MTUS2: variants seen among roughly 807,000 people sequenced by gnomAD.
MTUS2 encodes the protein microtubule-associated tumor suppressor candidate 2.
Under a neutral mutation model 114.1 loss-of-function variants are expected in MTUS2, and 40 were observed. The ratio of observed to expected loss-of-function variants is 0.35; its 90% CI spans 0.27 to 0.46. MTUS2 has a LOEUF of 0.46. MTUS2 is among the 20% of genes least tolerant of loss of function. The pLI is 1.00. For missense variants in MTUS2, 1,679 were observed against 1,705.4 expected (o/e 0.98, Z 0.27); for synonymous variants, 688 against 672.0 (o/e 1.02, Z -0.37).
chr13:29,464,414 A>G (rs1879742526), intron 9 of MTUS2, among the ~76,000 whole-genome samples: 1 of 152,260 alleles, frequency 6.6e-6, no homozygotes, highest in South Asian at 2.1e-4. Context: ...TCAGACATGT[A>G]GGAGAGTCAG....
At chr13:29,163,310 C>T (rs1430225877) in intron 5 of MTUS2, among the ~76,000 whole-genome samples, 1 of 152,116 alleles carries the variant, frequency 6.6e-6, no homozygotes, top group Non-Finnish European at 1.5e-5. Flanking sequence ...TGGCTGGGCT[C>T]CCGTCCCCTC....
At chr13:29,089,039 T>G (rs1889823619) in intron 4 of MTUS2, among the ~76,000 whole-genome samples, 1 of 152,236 alleles carries the variant, frequency 6.6e-6, no homozygotes, top group African/African-American at 2.4e-5. Context: ...CATAGTTACT[T>G]TATATTGCCA....
intron 2 of MTUS2, among the ~76,000 whole-genome samples, chr13:29,023,015 A>G (rs944995387): frequency 6.6e-6 from 1 of 152,194 alleles, no homozygotes; most frequent in Non-Finnish European, 1.5e-5. Flanking sequence ...TAATTCTTCA[A>G]AGTGAAAATA....
intron 2 of MTUS2, among the ~76,000 whole-genome samples, chr13:28,940,474 A>G (rs1349780986): frequency 6.6e-6 from 1 of 152,168 alleles, no homozygotes; most frequent in Non-Finnish European, 1.5e-5. Context: ...GGGCGTGGGA[A>G]GTAACTACTT....
At chr13:29,050,928 G>A (rs758098286) in intron 4 of MTUS2, among the ~76,000 whole-genome samples, 1 of 152,208 alleles carries the variant, frequency 6.6e-6, no homozygotes, top group Non-Finnish European at 1.5e-5. Context: ...TAAGTGAGAG[G>A]AGGAGAGTGA....
chr13:28,999,427 G>A lies in MTUS2; in HGVS notation c.-242-25030G>A, dbSNP rs184714251. Among the ~76,000 whole-genome samples the A allele has an allele frequency of 7.4e-3, 1,124 of 152,122 alleles. 6 individuals carry two copies. Among genetic ancestry groups the A allele is most frequent in the Non-Finnish European group, 9.2e-3 (624 of 67,998 alleles). On this transcript the variant is annotated intron_variant, in intron 2 of 15. Coordinates refer to ENST00000612955, the MANE Select transcript of MTUS2 (RefSeq NM_001033602.4). ...TACTCTCTTCAAAGCTGTCAGACAG[G>A]GACATAGTTTGTTTCTTTGTGGTTT...
intron 6 of MTUS2, among the ~76,000 whole-genome samples, chr13:29,282,217 G>C (rs1045263486): frequency 6.6e-6 from 1 of 152,268 alleles, no homozygotes; most frequent in East Asian, 1.9e-4. Flanking sequence ...TGCGCCTCCA[G>C]GAATGAGCCC....
intron 5 of MTUS2, among the ~76,000 whole-genome samples, chr13:29,184,280 C>A (rs189617213): frequency 6.6e-6 from 1 of 152,190 alleles, no homozygotes; most frequent in African/African-American, 2.4e-5. Flanking sequence ...TTCCCCACCC[C>A]CTCCAGGGGC....
At chr13:29,248,167 T>C (rs746829139) in intron 5 of MTUS2, among the ~76,000 whole-genome samples, 1 of 152,192 alleles carries the variant, frequency 6.6e-6, no homozygotes, top group Non-Finnish European at 1.5e-5. Flanking sequence ...AAACATCATA[T>C]GTTCTCACTC....
rs1317703230 is a variant in MTUS2 at position 29,503,164 on chromosome 13, G to A, written c.4068G>A (p.Ser1356=). The change falls in exon 16 of 16, where the codon TCG becomes TCA. Residue 1356 remains serine (S), a synonymous_variant. Transcript: ENST00000612955. ...PTSPVYRGSS[S]GPSSPARVST... Reference sequence around the variant, plus strand: ...CTCCCGTTTACCGCGGCTCCTCCTCGGGGCCCTCCTCTCCGGCCAGAGTCA... The same window carrying A: ...CTCCCGTTTACCGCGGCTCCTCCTCAGGGCCCTCCTCTCCGGCCAGAGTCA... The A allele has an allele frequency of 6.8e-6, 11 of 1,613,998 alleles. No homozygotes were observed. The highest frequency in any genetic ancestry group is 9.3e-6 in the Non-Finnish European group (11 of 1,180,036).
At chr13:29,501,396 A>C (rs1408831411) in intron 15 of MTUS2, among the ~76,000 whole-genome samples, 1 of 152,090 alleles carries the variant, frequency 6.6e-6, no homozygotes, top group African/African-American at 2.4e-5. Context: ...ACCTTGAGAG[A>C]AATGAGTGAA....
chr13:28,902,282 A>AT (rs1032471690), intron 2 of MTUS2, among the ~76,000 whole-genome samples: 51 of 152,008 alleles, frequency 3.4e-4, no homozygotes, highest in African/African-American at 1.2e-3. Context: ...GGATAGTTTC[A>AT]TTTTTTGCTT....
At chr13:28,963,999 C>A (rs931167660) in intron 2 of MTUS2, among the ~76,000 whole-genome samples, 3 of 152,162 alleles carry the variant, frequency 2.0e-5, no homozygotes, top group African/African-American at 7.2e-5. Context: ...TTTCTACTTT[C>A]CCCATAAGTC....
At chr13:28,825,216 T>C (rs1284008083) in intron 1 of MTUS2, among the ~76,000 whole-genome samples, 1 of 152,140 alleles carries the variant, frequency 6.6e-6, no homozygotes, top group Non-Finnish European at 1.5e-5. Context: ...GCCTAGACCA[T>C]ACCTGAATAG....
chr13:29,206,833 A>C (rs1402851622), intron 5 of MTUS2, among the ~76,000 whole-genome samples: 1 of 152,198 alleles, frequency 6.6e-6, no homozygotes, highest in Non-Finnish European at 1.5e-5. Context: ...GTTTGAAGTC[A>C]GGTAATGTGT....
intron 5 of MTUS2, among the ~76,000 whole-genome samples, chr13:29,174,006 T>C (rs553622701): frequency 6.6e-6 from 1 of 152,264 alleles, no homozygotes; most frequent in Admixed American, 6.5e-5. Context: ...CTACACCCTG[T>C]AGAAGGCATA....
At chr13:29,342,337 T>C (rs1901444167) in intron 7 of MTUS2, among the ~76,000 whole-genome samples, 1 of 152,108 alleles carries the variant, frequency 6.6e-6, no homozygotes, top group Non-Finnish European at 1.5e-5. Context: ...TTGGCAGTGT[T>C]TTATAGTTTT....
chr13:28,989,744 G>A (rs1277622724), intron 2 of MTUS2, among the ~76,000 whole-genome samples: 2 of 152,180 alleles, frequency 1.3e-5, no homozygotes, highest in African/African-American at 4.8e-5. Flanking sequence ...GGAAGCACAT[G>A]CGAATCTTAA....
At chr13:28,927,047 A>C (rs1881364091) in intron 2 of MTUS2, among the ~76,000 whole-genome samples, 1 of 152,204 alleles carries the variant, frequency 6.6e-6, no homozygotes, top group South Asian at 2.1e-4. Context: ...GCACAGCATC[A>C]AGATTTTGTT....
Sources: allele counts gnomAD v4.1 joint callset (sites outside exome capture counted in the v4.1 genomes callset), GRCh38; gene constraint gnomAD v4.1.1; transcripts MANE v1.5; gene names NCBI Gene and HGNC (gene_info 2026-07-23, HGNC 2026-07-21).